The following ADAMTS8 variants were observed in gnomAD, a reference collection of about 807,000 sequenced individuals.
ADAMTS8 encodes A disintegrin and metalloproteinase with thrombospondin motifs 8.
In ADAMTS8, 50 loss-of-function variants were observed where a neutral mutation model predicts 64.4. The ratio of observed to expected loss-of-function variants is 0.78; its 90% CI spans 0.62 to 0.98. The LOEUF (loss-of-function observed/expected upper bound fraction) is 0.98, where lower values mean the gene tolerates loss of function less well. ADAMTS8 is among the 50% of genes least tolerant of loss of function. The probability of loss-of-function intolerance (pLI) is 0.00; values close to 1 mark genes in which losing one functional copy is unlikely to be tolerated. For synonymous variants in ADAMTS8, 556 were observed against 533.6 expected (o/e 1.04, Z -0.58); for missense variants, 1,192 against 1,208.2 (o/e 0.99, Z 0.20).
rs184668663 is a variant in ADAMTS8, at chr11:130,413,793, G to C, written c.1566+738C>G. 2.0e-4 allele frequency among the ~76,000 whole-genome samples: 31 copies of C among 152,242 alleles called. No individual in the cohort carries two copies. The East Asian group carries it at 5.0e-3, about 25-fold the overall frequency. On this transcript the variant is annotated intron_variant, in intron 5 of 8. Transcript: ENST00000257359. ...GTAATTATGCATTCAGTTCAAGCAC[G>C]GGCAGGCTATGAATACTTTTCACTC...
chr11:130,424,576 C>T (rs574860132), intron 1 of ADAMTS8, among the ~76,000 whole-genome samples: 12 of 152,270 alleles, frequency 7.9e-5, no homozygotes, highest in Non-Finnish European at 1.6e-4. Flanking sequence ...AGTAATCACC[C>T]CAGAGTGCCT....
chr11:130,414,744 C>G lies in ADAMTS8; in HGVS notation c.1353G>C (p.Gln451His). 6.2e-7 allele frequency: 1 copy of G among 1,613,588 alleles called. No homozygotes were observed. The highest frequency in any genetic ancestry group is 1.6e-4 in the Middle Eastern group (1 of 6,062). ...GRMALYQLDQ[Q>H]CRQIFGPDFR... is the part of the protein sequence containing the mutation. ...AATCCGGCCCAAAGATCTGCCTGCA[C>G]TGCTGGTCCAGCTGGTACAGGGCCA... is the stretch of plus-strand genomic sequence containing the variant. Residue 451 changes from glutamine to histidine, a missense_variant, in exon 5 of 9, where the codon CAG becomes CAC. Gln to His is a conservative substitution (Grantham distance 24). Around this residue, in one of 5 missense-constraint regions of ADAMTS8, gnomAD observed 741 missense variants for 710.6 expected, o/e 1.04. Transcript: ENST00000257359.
In ADAMTS8 at chr11:130,404,987, C is replaced by G. The variant is rs1267555224; in HGVS notation, c.*571G>C. 2.3e-5 allele frequency: 23 copies of G among 986,726 alleles called. No individual in the cohort carries two copies. Among genetic ancestry groups the G allele is most frequent in the Non-Finnish European group, 2.8e-5 (23 of 830,644 alleles). 61.1% of individuals were successfully genotyped at this position (986,726 alleles called of 1,614,324 possible). ...ATAAATACTTGAAATGGATCCACCCCTGCAGGTGGCAGCCTGAGAACATGT... is the reference window on the plus strand; with the variant it reads ...ATAAATACTTGAAATGGATCCACCCGTGCAGGTGGCAGCCTGAGAACATGT... On this transcript the variant is annotated 3_prime_UTR_variant, in exon 9 of 9. Transcript: ENST00000257359.
At position 130,414,375 on chromosome 11, in the gene ADAMTS8, A is replaced by G. The variant is rs1861991559; in HGVS notation, c.1566+156T>C. Among the ~76,000 whole-genome samples the G allele has an allele frequency of 2.0e-5, 3 of 151,600 alleles. No homozygotes were observed. In the South Asian group the frequency reaches 6.3e-4, roughly 32 times the overall value. ...AGTGATCCTTCTGCCTCAGCTTCCC[A>G]AAGTGCTGGGATTCCAGTGTGAGCC... On this transcript the variant is annotated intron_variant, in intron 5 of 8. Transcript: ENST00000257359.
At chr11:130,423,041 C>T (rs1862120676) in intron 1 of ADAMTS8, among the ~76,000 whole-genome samples, 1 of 152,242 alleles carries the variant, frequency 6.6e-6, no homozygotes, top group Non-Finnish European at 1.5e-5. Flanking sequence ...AAATAGGTGA[C>T]TTGCTCAAGG....
rs1298837907 is a variant in ADAMTS8, at chr11:130,408,330, T to C, written c.2099+134A>G. On this transcript the variant is annotated intron_variant, in intron 8 of 8. Coordinates refer to ENST00000257359, the MANE Select transcript of ADAMTS8 (RefSeq NM_007037.6). The stretch of plus-strand genomic sequence containing the variant: ...TGACATTTTACAAAGAAACTGAAGC[T>C]CGGAGAGTTTAAATAACTTGCCCAA... 7 of 1,060,070 alleles carry C rather than the reference T, an allele frequency of 6.6e-6. No homozygotes were observed. The African/African-American group carries it at 9.5e-5, about 14-fold the overall frequency. The allele number at this position is 1,060,070 out of a possible 1,614,324, so 65.7% of individuals were successfully genotyped here.
chr11:130,419,581 C>T (rs554122599), intron 1 of ADAMTS8, among the ~76,000 whole-genome samples: 67 of 152,310 alleles, frequency 4.4e-4, no homozygotes, highest in African/African-American at 1.5e-3. Flanking sequence ...CTTCAGGGGA[C>T]GACCTAAATC....
rs1021011759 is a variant in ADAMTS8 at position 130,414,457 on chromosome 11, A to G, written c.1566+74T>C. The G allele has an allele frequency of 5.3e-6, 8 of 1,496,894 alleles. No individual in the cohort carries two copies. The African/African-American group carries it at 9.8e-5, about 18-fold the overall frequency. The allele number at this position is 1,496,894 out of a possible 1,614,324, so 92.7% of individuals were successfully genotyped here. On this transcript the variant is annotated intron_variant, in intron 5 of 8. Coordinates refer to ENST00000257359, the MANE Select transcript of ADAMTS8 (RefSeq NM_007037.6). ...CTCAAGTGTGGTTTCCTTCTGGAGA[A>G]CAGCCCTCAGTCCTCCCCATTTCCT...
In ADAMTS8 at chr11:130,416,350, C is replaced by T; in HGVS notation, c.1097-20G>A. On this transcript the variant is annotated intron_variant, in intron 3 of 8. Coordinates refer to ENST00000257359, the MANE Select transcript of ADAMTS8 (RefSeq NM_007037.6). The surrounding 1 kb of genome is among the most constrained non-coding windows in gnomAD (Gnocchi z 4.8). ...CGTGCCCTGGGGAGAGAGGCCTGGTCCACTCCGCCCTGTCCTGCCTGAGGG... is the reference window on the plus strand; with the variant it reads ...CGTGCCCTGGGGAGAGAGGCCTGGTTCACTCCGCCCTGTCCTGCCTGAGGG... 1 of 1,538,868 alleles carries T rather than the reference C, an allele frequency of 6.5e-7. No homozygotes were observed. The highest frequency in any genetic ancestry group is 8.8e-7 in the Non-Finnish European group (1 of 1,140,304).
At chr11:130,417,590 T>C (rs574014209) in intron 2 of ADAMTS8, among the ~76,000 whole-genome samples, 49 of 152,282 alleles carry the variant, frequency 3.2e-4, no homozygotes, top group African/African-American at 1.0e-3. Flanking sequence ...TCTGGCTATG[T>C]TGCCCAGGCT....
At chr11:130,423,786 C>G (rs542633846) in intron 1 of ADAMTS8, among the ~76,000 whole-genome samples, 43 of 152,338 alleles carry the variant, frequency 2.8e-4, no homozygotes, top group African/African-American at 8.4e-4. Context: ...GCCCCTCACT[C>G]CATCTCGCCC....
In ADAMTS8 at chr11:130,405,639, G is replaced by A. The variant is rs747729320; in HGVS notation, c.2589C>T (p.Ser863=). 3.1e-6 allele frequency: 5 copies of A among 1,613,932 alleles called. No individual in the cohort carries two copies. In the African/African-American group the frequency reaches 4.0e-5, roughly 13 times the overall value. The change falls in exon 9 of 9, where the codon TCC becomes TCT. Residue 863 remains serine, a synonymous_variant. Transcript: ENST00000257359. ...QRRTVECRDP[S]GQASATCNKA... is the part of the protein sequence containing the mutation. Reference sequence around the variant, plus strand: ...TGTTGCAGGTGGCAGAGGCCTGGCCGGAGGGGTCCCTGCACTCTACAGTTC... The same window carrying A: ...TGTTGCAGGTGGCAGAGGCCTGGCCAGAGGGGTCCCTGCACTCTACAGTTC...
chr11:130,413,258 G>A (rs974307770), intron 5 of ADAMTS8, among the ~76,000 whole-genome samples: 1 of 152,122 alleles, frequency 6.6e-6, no homozygotes, highest in Non-Finnish European at 1.5e-5. Flanking sequence ...CACTTAGCTC[G>A]GCTGTGCTCT....
At chr11:130,418,694 AC>A (rs1386527644) in intron 2 of ADAMTS8, among the ~76,000 whole-genome samples, 1 of 152,140 alleles carries the variant, frequency 6.6e-6, no homozygotes, top group East Asian at 1.9e-4. Context: ...TCTTGAGGGG[AC>A]CCCCTGGCTA....
At position 130,411,425 on chromosome 11, in the gene ADAMTS8, G is replaced by A; in HGVS notation, c.1742C>T (p.Pro581Leu). The A allele has an allele frequency of 6.2e-7, 1 of 1,613,882 alleles. No homozygotes were observed. The highest frequency in any genetic ancestry group is 8.5e-7 in the Non-Finnish European group (1 of 1,179,872). The change falls in exon 6 of 9, where the codon CCC (proline) becomes CTC (leucine). Residue 581 changes from proline (P) to leucine (L), a missense_variant. Physicochemically the swap from Pro to Leu is moderately conservative, Grantham distance 98. Coordinates refer to ENST00000257359, the MANE Select transcript of ADAMTS8 (RefSeq NM_007037.6). This position sits in a 1 kb window ranked among gnomAD's most constrained non-coding sequence, Gnocchi z 4.2. The part of the protein sequence containing the change: ...KYQSCHTEEC[P>L]PDGKSFREQQ... ...CCCTGAGTGGTAATTACCGTCAGGG[G>A]GGCATTCCTCCGTGTGGCATGACTG...
intron 1 of ADAMTS8, among the ~76,000 whole-genome samples, chr11:130,420,133 G>A (rs1323905869): frequency 2.0e-5 from 3 of 152,202 alleles, no homozygotes; most frequent in African/African-American, 7.2e-5. Flanking sequence ...TTCCCCGGGC[G>A]TGGCTTCCTG....
At chr11:130,412,819 A>G (rs1592130107) in intron 5 of ADAMTS8, among the ~76,000 whole-genome samples, 1 of 152,140 alleles carries the variant, frequency 6.6e-6, no homozygotes, top group African/African-American at 2.4e-5. Context: ...GATTCTATGT[A>G]TATATTCTTT....
Position 130,414,834 on chromosome 11 carries a change from T to C in ADAMTS8, c.1265-2A>G. The C allele has an allele frequency of 6.2e-7, 1 of 1,602,746 alleles. No individual in the cohort carries two copies. Among genetic ancestry groups the C allele is most frequent in the Non-Finnish European group, 8.5e-7 (1 of 1,173,470 alleles). The stretch of plus-strand genomic sequence containing the variant: ...CAGGGGCATCCAGGAGACAGTCTCC[T>C]GGGAAAAGAGGAAGCAGGGGTGTAA... On this transcript the variant is annotated splice_acceptor_variant, in intron 4 of 8. Transcript: ENST00000257359. LOFTEE classifies it high-confidence loss of function.
chr11:130,427,215 G>A (rs1862178089), intron 1 of ADAMTS8, among the ~76,000 whole-genome samples: 1 of 152,224 alleles, frequency 6.6e-6, no homozygotes, highest in African/African-American at 2.4e-5. Context: ...ATCTCTGCTG[G>A]GAGAGGCAGG....
Sources: allele counts gnomAD v4.1 joint callset (sites outside exome capture counted in the v4.1 genomes callset), GRCh38; gene constraint gnomAD v4.1.1; regional missense constraint gnomAD v4.1.1; non-coding constraint Gnocchi (gnomAD v3.1); transcripts MANE v1.5; gene names NCBI Gene and HGNC (gene_info 2026-07-23, HGNC 2026-07-21).